SCGB2B2: variants seen among roughly 807,000 people sequenced by gnomAD.
SCGB2B2 encodes secretoglobin-like protein.
SCGB2B2 carries 11 observed loss-of-function variants against 7.6 expected under a neutral mutation model. The observed-to-expected ratio is 1.45, with a 90% confidence interval of 0.91 to 2.40. SCGB2B2 has a LOEUF of 2.40. Among genes scored for constraint, SCGB2B2 ranks in the 30% most tolerant of loss-of-function variants. SCGB2B2 has a pLI of 0.00. For synonymous variants in SCGB2B2, 50 were observed against 48.6 expected (o/e 1.03, Z -0.12); for missense variants, 104 against 115.4 (o/e 0.90, Z 0.45).
rs16969525 is a variant in SCGB2B2 at position 34,595,871 on chromosome 19, C to A, written c.-1308G>T. On this transcript the variant is annotated 5_prime_UTR_variant, in exon 2 of 4. Transcript: ENST00000601241. ...ATGCTGACGCTTGTACACTCGGGTG[C>A]CAGTGCCGCTCCAATAGCGGTTTGT... 0.079 allele frequency: 12,037 copies of A among 152,318 alleles called. 726 individuals carry two copies. The highest frequency in any genetic ancestry group is 0.16 in the African/African-American group (6,734 of 41,498). The allele number at this position is 152,318 out of a possible 1,614,324, so 9.4% of individuals were successfully genotyped here. A position where few individuals can be genotyped will look rare whatever the true frequency, so the allele number is the denominator to read the frequency against.
chr19:34,661,611 C>A (rs1017983010), intron 1 of SCGB2B2, among the ~76,000 whole-genome samples: 1 of 152,222 alleles, frequency 6.6e-6, no homozygotes, highest in Non-Finnish European at 1.5e-5. Flanking sequence ...AAGAGACCAG[C>A]GACATGAAAT....
rs141214650 is a variant in SCGB2B2 at position 34,594,184 on chromosome 19, T to C, written c.237A>G (p.Ser79=). 1.0e-4 allele frequency: 168 copies of C among 1,613,982 alleles called. No homozygotes were observed. The African/African-American group carries it at 1.7e-3, about 17-fold the overall frequency. Residue 79 remains serine (S), a synonymous_variant, in exon 3 of 4, where the codon TCA becomes TCG. Transcript: ENST00000601241. ...NVSVTERFAH[S]VVIKKILQSN... Reference sequence around the variant, plus strand: ...CCCCGGGCACACTCACAATAACAACTGAATGAGCAAATCTTTCTGTCACGG... The same window carrying C: ...CCCCGGGCACACTCACAATAACAACCGAATGAGCAAATCTTTCTGTCACGG...
chr19:34,676,623 T>C lies in SCGB2B2; in HGVS notation c.-3025A>G, dbSNP rs1047586050. On this transcript the variant is annotated 5_prime_UTR_variant, in exon 1 of 4. Transcript: ENST00000601241. ...TTTGCACTGTGCTCTCCCATGGATT[T>C]TTTCTTGCGTGAGCTCTAAGAACTC... is the stretch of plus-strand genomic sequence containing the variant. 1 of 152,114 alleles carries C rather than the reference T, an allele frequency of 6.6e-6. No homozygotes were observed. Among genetic ancestry groups the C allele is most frequent in the Non-Finnish European group, 1.5e-5 (1 of 68,036 alleles). 9.4% of individuals were successfully genotyped at this position (152,114 alleles called of 1,614,324 possible).
At chr19:34,626,673 G>T (rs1301775651) in intron 1 of SCGB2B2, among the ~76,000 whole-genome samples, 4 of 152,184 alleles carry the variant, frequency 2.6e-5, no homozygotes, top group Admixed American at 6.5e-5. Flanking sequence ...AACCAAGTTG[G>T]AAAACAATCT....
chr19:34,607,858 T>A (rs570041740), intron 1 of SCGB2B2, among the ~76,000 whole-genome samples: 1 of 152,360 alleles, frequency 6.6e-6, no homozygotes, highest in South Asian at 2.1e-4. Flanking sequence ...ATCAAATATA[T>A]GGTTTACAAA....
At position 34,594,083 on chromosome 19, in the gene SCGB2B2, C is replaced by A. The variant is rs369355040; in HGVS notation, c.246+92G>T. 245 of 1,065,976 alleles carry A rather than the reference C, an allele frequency of 2.3e-4. 3 individuals carry two copies. In the South Asian group the frequency reaches 3.4e-3, roughly 15 times the overall value. 66.0% of individuals were successfully genotyped at this position (1,065,976 alleles called of 1,614,324 possible). A position where few individuals can be genotyped will look rare whatever the true frequency, so the allele number is the denominator to read the frequency against. ...CTGGGATGTGGCTTCCTGCTTAAAA[C>A]GTGGAAAGCAGGATGGAAGGCAAGT... On this transcript the variant is annotated intron_variant, in intron 3 of 3. Coordinates refer to ENST00000601241, the MANE Select transcript of SCGB2B2 (RefSeq NM_001025591.4).
intron 1 of SCGB2B2, chr19:34,645,519 CACACAGACACACACAG>C (rs1295699821): frequency 0.021 from 1,681 of 79,114 alleles, 32 homozygotes; most frequent in African/African-American, 0.071. Flanking sequence ...CACACAGACA[CACACAGACACACACAG>C]ACACAGACAC....
intron 1 of SCGB2B2, among the ~76,000 whole-genome samples, chr19:34,613,229 G>T (rs1298845918): frequency 6.6e-6 from 1 of 152,044 alleles, no homozygotes; most frequent in East Asian, 1.9e-4. Flanking sequence ...CTCCTGAGCA[G>T]CTGGGACAAC....
At chr19:34,598,874 C>T (rs888728301) in intron 1 of SCGB2B2, among the ~76,000 whole-genome samples, 1 of 152,170 alleles carries the variant, frequency 6.6e-6, no homozygotes, top group Non-Finnish European at 1.5e-5. Flanking sequence ...GACTCCTGGG[C>T]TGTTTAGTCA....
intron 1 of SCGB2B2, among the ~76,000 whole-genome samples, chr19:34,655,538 C>T (rs73043914): frequency 0.11 from 17,085 of 151,216 alleles, 1,261 homozygotes; most frequent in East Asian, 0.22. Context: ...AAATCTTACA[C>T]GCACTGATTG....
rs939232761 is a variant in SCGB2B2, at chr19:34,594,627, T to C, written c.-64A>G. 28 of 1,294,814 alleles carry C rather than the reference T, an allele frequency of 2.2e-5. No individual in the cohort carries two copies. Among genetic ancestry groups the C allele is most frequent in the Non-Finnish European group, 2.9e-5 (26 of 893,800 alleles). 80.2% of individuals were successfully genotyped at this position (1,294,814 alleles called of 1,614,324 possible). On this transcript the variant is annotated 5_prime_UTR_variant, in exon 2 of 4. The change creates a new upstream start codon in the 5' untranslated region. Coordinates refer to ENST00000601241, the MANE Select transcript of SCGB2B2 (RefSeq NM_001025591.4). ...TTTGGCGATGGGTGAGCTTTATGTA[T>C]ATCTGAACAAGGCACATGCCTCTTC... is the stretch of plus-strand genomic sequence containing the variant.
intron 1 of SCGB2B2, among the ~76,000 whole-genome samples, chr19:34,608,246 C>G (rs2065833301): frequency 6.6e-6 from 1 of 151,818 alleles, no homozygotes; most frequent in Non-Finnish European, 1.5e-5. Flanking sequence ...TTCTTATTTT[C>G]TTTTTTGGAT....
chr19:34,668,794 G>A (rs1198335764), intron 1 of SCGB2B2, among the ~76,000 whole-genome samples: 1 of 150,800 alleles, frequency 6.6e-6, no homozygotes, highest in Non-Finnish European at 1.5e-5. Context: ...TAGTGGGGAC[G>A]TGGAGAACCT....
At chr19:34,645,810 T>C (rs1453960815) in intron 1 of SCGB2B2, 2 of 251,094 alleles carry the variant, frequency 8.0e-6, no homozygotes, top group Admixed American at 4.8e-5. Context: ...GCTGTCACTA[T>C]TGCAGACATT....
chr19:34,627,764 A>G (rs2066419016), intron 1 of SCGB2B2, among the ~76,000 whole-genome samples: 1 of 152,218 alleles, frequency 6.6e-6, no homozygotes, highest in Admixed American at 6.5e-5. Flanking sequence ...CTCTGCACCA[A>G]GTGGACCTAA....
At position 34,592,038 on chromosome 19, in the gene SCGB2B2, G is replaced by C. The variant is rs1600030389; in HGVS notation, c.*1517C>G. 6.6e-6 allele frequency among the ~76,000 whole-genome samples: 1 copy of C among 152,200 alleles called. No homozygotes were observed. The highest frequency in any genetic ancestry group is 1.5e-5 in the Non-Finnish European group (1 of 68,038). ...ACTTCTTCCCTGGCTGAGTGGATGGGTGATGACTGGGATGGAAAGTGCATT... is the reference window on the plus strand; with the variant it reads ...ACTTCTTCCCTGGCTGAGTGGATGGCTGATGACTGGGATGGAAAGTGCATT... On this transcript the variant is annotated 3_prime_UTR_variant, in exon 4 of 4. Coordinates refer to ENST00000601241, the MANE Select transcript of SCGB2B2 (RefSeq NM_001025591.4).
At chr19:34,637,673 A>C in intron 1 of SCGB2B2, 1 of 153,300 alleles carries the variant, frequency 6.5e-6, no homozygotes, top group South Asian at 2.1e-4. Context: ...ATTTTGTGTT[A>C]TTTATTTATA....
At chr19:34,621,057 T>C (rs1318905517) in intron 1 of SCGB2B2, among the ~76,000 whole-genome samples, 1 of 152,236 alleles carries the variant, frequency 6.6e-6, no homozygotes, top group African/African-American at 2.4e-5. Context: ...AGTGTTCCTA[T>C]TCCTGAAAGA....
chr19:34,626,064 T>C (rs929126829), intron 1 of SCGB2B2, among the ~76,000 whole-genome samples: 1 of 152,182 alleles, frequency 6.6e-6, no homozygotes, highest in Non-Finnish European at 1.5e-5. Context: ...GGGTCCTGAC[T>C]GTTAGAAGGA....
Sources: gnomAD v4.1 joint callset for allele counts (sites outside exome capture counted in the v4.1 genomes callset) on GRCh38, gnomAD v4.1.1 for gene constraint, MANE v1.5 for transcripts, NCBI Gene and HGNC (gene_info 2026-07-23, HGNC 2026-07-21) for gene names.